The following NKAIN2 variants were observed in gnomAD, a reference collection of about 807,000 sequenced individuals.
NKAIN2 encodes sodium/potassium transporting ATPase interacting 2.
In NKAIN2, 14 loss-of-function variants were observed where a neutral mutation model predicts 32.6. The ratio of observed to expected loss-of-function variants is 0.43; its 90% CI spans 0.28 to 0.67. The LOEUF (loss-of-function observed/expected upper bound fraction) is 0.67. Among genes scored for constraint, NKAIN2 ranks in the 30% least tolerant of loss-of-function variants. The pLI is 0.17. For synonymous variants in NKAIN2, 80 were observed against 87.2 expected (o/e 0.92, Z 0.46); for missense variants, 198 against 258.3 (o/e 0.77, Z 1.60).
chr6:124,517,651 T>G (rs186786808), intron 3 of NKAIN2, among the ~76,000 whole-genome samples: 124 of 152,282 alleles, frequency 8.1e-4, no homozygotes, highest in African/African-American at 2.8e-3. Context: ...TCTTGTAATA[T>G]TCACCAAAAT....
intron 1 of NKAIN2, among the ~76,000 whole-genome samples, chr6:123,898,754 A>G (rs988240053): frequency 3.3e-5 from 5 of 152,112 alleles, no homozygotes; most frequent in African/African-American, 1.2e-4. Context: ...ACCAAAGTAA[A>G]TTCCTGTCTT....
intron 1 of NKAIN2, among the ~76,000 whole-genome samples, chr6:123,881,244 A>T (rs1361922505): frequency 6.6e-6 from 1 of 152,074 alleles, no homozygotes; most frequent in Non-Finnish European, 1.5e-5. Flanking sequence ...CTGGTCTCGA[A>T]CTCCTGACCT....
At chr6:124,391,332 A>G (rs900341091) in intron 3 of NKAIN2, among the ~76,000 whole-genome samples, 1 of 152,130 alleles carries the variant, frequency 6.6e-6, no homozygotes, top group Non-Finnish European at 1.5e-5. Flanking sequence ...AGGTGTCTGT[A>G]ATCACTCTGT....
At chr6:124,552,664 A>C (rs1780334754) in intron 3 of NKAIN2, among the ~76,000 whole-genome samples, 1 of 152,246 alleles carries the variant, frequency 6.6e-6, no homozygotes, top group African/African-American at 2.4e-5. Context: ...TTAAGCAGGA[A>C]AAAATCTTTT....
chr6:124,397,915 C>CAG (rs1281472629), intron 3 of NKAIN2, among the ~76,000 whole-genome samples: 3 of 151,974 alleles, frequency 2.0e-5, no homozygotes, highest in African/African-American at 7.3e-5. Context: ...GCCAGGTTCT[C>CAG]AGAGTTTATG....
At chr6:124,116,098 A>G (rs1019142222) in intron 1 of NKAIN2, among the ~76,000 whole-genome samples, 2 of 152,112 alleles carry the variant, frequency 1.3e-5, no homozygotes, top group Non-Finnish European at 2.9e-5. Flanking sequence ...GATCAGTAAC[A>G]AAATTCTTAT....
chr6:124,214,719 A>C (rs1357808965), intron 1 of NKAIN2, among the ~76,000 whole-genome samples: 3 of 152,130 alleles, frequency 2.0e-5, no homozygotes, highest in African/African-American at 7.2e-5. Context: ...AACAACAAAC[A>C]AACAAACCTT....
At chr6:124,782,781 C>T (rs1029843251) in intron 4 of NKAIN2, among the ~76,000 whole-genome samples, 9 of 152,062 alleles carry the variant, frequency 5.9e-5, no homozygotes, top group Admixed American at 5.9e-4. Flanking sequence ...GTACATTTTA[C>T]AGAACATTTA....
At chr6:124,005,040 G>C (rs558774487) in intron 1 of NKAIN2, among the ~76,000 whole-genome samples, 1 of 151,986 alleles carries the variant, frequency 6.6e-6, no homozygotes, top group African/African-American at 2.4e-5. Context: ...GCTTGGTCAA[G>C]ATAGTGAAAC....
intron 1 of NKAIN2, among the ~76,000 whole-genome samples, chr6:123,823,695 G>A (rs529963115): frequency 6.6e-6 from 1 of 152,052 alleles, no homozygotes; most frequent in Admixed American, 6.6e-5. Context: ...AAGAGAAGAA[G>A]AATTATTGAA....
chr6:124,611,508 C>G (rs902240860), intron 3 of NKAIN2, among the ~76,000 whole-genome samples: 31 of 152,052 alleles, frequency 2.0e-4, no homozygotes, highest in Admixed American at 1.3e-3. Flanking sequence ...AAGTATTTGT[C>G]CTAATGCTCT....
intron 4 of NKAIN2, among the ~76,000 whole-genome samples, chr6:124,703,605 A>G (rs1774907799): frequency 6.6e-6 from 1 of 152,046 alleles, no homozygotes; most frequent in Non-Finnish European, 1.5e-5. Context: ...CAGACTAAAC[A>G]CTGGAAGCTC....
chr6:124,069,069 T>A (rs1783321190), intron 1 of NKAIN2, among the ~76,000 whole-genome samples: 1 of 152,300 alleles, frequency 6.6e-6, no homozygotes, highest in Non-Finnish European at 1.5e-5. Flanking sequence ...CAGGGATCAC[T>A]ACATTTTGAA....
At chr6:124,138,928 T>C (rs1786983197) in intron 1 of NKAIN2, among the ~76,000 whole-genome samples, 1 of 150,990 alleles carries the variant, frequency 6.6e-6, no homozygotes, top group South Asian at 2.1e-4. Flanking sequence ...TTGGGGGGAA[T>C]GGTGAAGAGG....
At chr6:124,485,830 T>C (rs1777628012) in intron 3 of NKAIN2, among the ~76,000 whole-genome samples, 1 of 152,172 alleles carries the variant, frequency 6.6e-6, no homozygotes, top group African/African-American at 2.4e-5. Flanking sequence ...AAAGTTTCCC[T>C]TCCATGGTCT....
At chr6:124,277,784 G>A (rs1795105347) in intron 1 of NKAIN2, among the ~76,000 whole-genome samples, 1 of 151,916 alleles carries the variant, frequency 6.6e-6, no homozygotes, top group Non-Finnish European at 1.5e-5. Context: ...GGTACAGAGA[G>A]GAGAACAGGG....
At chr6:124,520,152 T>C (rs1204505925) in intron 3 of NKAIN2, among the ~76,000 whole-genome samples, 1 of 151,924 alleles carries the variant, frequency 6.6e-6, no homozygotes, top group Non-Finnish European at 1.5e-5. Flanking sequence ...CGAAAAGGAA[T>C]CTTCCCTATG....
intron 3 of NKAIN2, among the ~76,000 whole-genome samples, chr6:124,610,028 TTTA>T (rs1782635073): frequency 6.6e-6 from 1 of 152,188 alleles, no homozygotes; most frequent in African/African-American, 2.4e-5. Flanking sequence ...TGTTAATTAT[TTTA>T]TTATCACTCA....
chr6:124,263,416 G>C, intron 1 of NKAIN2, among the ~76,000 whole-genome samples: 1 of 152,134 alleles, frequency 6.6e-6, no homozygotes, highest in South Asian at 2.1e-4. Flanking sequence ...CAGCAGAAAA[G>C]TATAGACTAT....
Sources: gnomAD v4.1 joint callset for allele counts (sites outside exome capture counted in the v4.1 genomes callset) on GRCh38, gnomAD v4.1.1 for gene constraint, MANE v1.5 for transcripts, NCBI Gene and HGNC (gene_info 2026-07-23, HGNC 2026-07-21) for gene names.